IFT88: variants seen among roughly 807,000 people sequenced by gnomAD.
IFT88 encodes intraflagellar transport 88, also known as intraflagellar transport protein 88 homolog.
Under a neutral mutation model 119.5 loss-of-function variants are expected in IFT88, and 74 were observed. That is an observed-to-expected ratio of 0.62 (90% CI 0.51 to 0.75). IFT88 has a LOEUF of 0.75. IFT88 is among the 30% of genes least tolerant of loss of function. The probability of loss-of-function intolerance (pLI) is 0.00; values close to 1 mark genes in which losing one functional copy is unlikely to be tolerated. For synonymous variants in IFT88, 279 were observed against 316.7 expected (o/e 0.88, Z 1.26); for missense variants, 961 against 977.7 (o/e 0.98, Z 0.23).
chr13:20,658,065 C>T (rs765982646), intron 22 of IFT88, among the ~76,000 whole-genome samples: 1 of 151,524 alleles, frequency 6.6e-6, no homozygotes, highest in African/African-American at 2.4e-5. Context: ...AAATACCAGT[C>T]AGGAAATAGG....
intron 24 of IFT88, among the ~76,000 whole-genome samples, chr13:20,684,589 C>T (rs916377672): frequency 1.3e-5 from 2 of 152,182 alleles, no homozygotes; most frequent in Non-Finnish European, 2.9e-5. Context: ...TGCTGCCTAC[C>T]TTTTCCCAGA....
chr13:20,606,321 G>C (rs2043439707), intron 13 of IFT88, among the ~76,000 whole-genome samples: 1 of 152,262 alleles, frequency 6.6e-6, no homozygotes, highest in African/African-American at 2.4e-5. Flanking sequence ...TCACCCAGTT[G>C]TAACAAAGCC....
rs572799667 is a variant in IFT88, at chr13:20,590,543, TA to T, written c.211-421del. ...TACATAATATAAACGTGTGTCATAT[TA>T]AACATGCTTTTATTAGTTAGCCTGA... On this transcript the variant is annotated intron_variant, in intron 4 of 25. Transcript: ENST00000351808. Among the ~76,000 whole-genome samples, 293 of 152,318 alleles carry T rather than the reference TA, an allele frequency of 1.9e-3. 1 individual carries two copies. Among genetic ancestry groups the T allele is most frequent in the African/African-American group, 6.7e-3 (280 of 41,582 alleles).
At chr13:20,624,732 G>T (rs2047043936) in intron 14 of IFT88, among the ~76,000 whole-genome samples, 2 of 152,064 alleles carry the variant, frequency 1.3e-5, no homozygotes, top group Admixed American at 1.3e-4. Flanking sequence ...TGTCTTCCAG[G>T]AGGAGGCCAC....
At chr13:20,567,625 C>G (rs2035152854) in intron 1 of IFT88, 2 of 533,716 alleles carry the variant, frequency 3.7e-6, no homozygotes, top group Admixed American at 5.7e-5. Flanking sequence ...GCTCTGGAAT[C>G]GCACAGCAGA....
intron 1 of IFT88, among the ~76,000 whole-genome samples, chr13:20,568,356 G>A (rs2035406778): frequency 6.6e-6 from 1 of 152,158 alleles, no homozygotes; most frequent in African/African-American, 2.4e-5. Context: ...ATAGCTATTA[G>A]CCATGCTTGA....
chr13:20,574,600 A>G, intron 2 of IFT88, 125 bp downstream of exon 2: 1 of 493,104 alleles, frequency 2.0e-6, no homozygotes, highest in Non-Finnish European at 3.6e-6. Context: ...AACCTAGAAA[A>G]GTGCTATTAC....
intron 24 of IFT88, among the ~76,000 whole-genome samples, chr13:20,684,817 C>T (rs577373854): frequency 2.0e-5 from 3 of 152,328 alleles, no homozygotes; most frequent in South Asian, 2.1e-4. Context: ...TAAGAGTACT[C>T]GGGTGTTCCC....
In IFT88 at chr13:20,625,832, C is replaced by A; in HGVS notation, c.1282C>A (p.Gln428Lys). 6.3e-7 allele frequency: 1 copy of A among 1,588,778 alleles called. No homozygotes were observed. The highest frequency in any genetic ancestry group is 1.2e-5 in the South Asian group (1 of 86,490). The change falls in exon 15 of 26, where the codon CAA becomes AAA. Residue 428 changes from glutamine (Q) to lysine (K), a missense_variant. Physicochemically the swap from Gln to Lys is moderately conservative, Grantham distance 53. Transcript: ENST00000351808. ...EINKAVTYLR[Q>K]KDYNQAVEIL... Reference sequence around the variant, plus strand: ...AAACAAAGCAGTTACATACTTGAGACAAAAAGACTATAACCAAGTAAGTTT... The same window carrying A: ...AAACAAAGCAGTTACATACTTGAGAAAAAAAGACTATAACCAAGTAAGTTT...
intron 16 of IFT88, among the ~76,000 whole-genome samples, chr13:20,635,655 A>G (rs1302094776): frequency 6.6e-6 from 1 of 152,160 alleles, no homozygotes; most frequent in Non-Finnish European, 1.5e-5. Flanking sequence ...GTTCTCATTC[A>G]TAAGTGAGAG....
intron 24 of IFT88, 113 bp from the exon 25 acceptor site, chr13:20,690,592 A>G: frequency 4.4e-6 from 3 of 680,750 alleles, no homozygotes; most frequent in Non-Finnish European, 7.8e-6. Flanking sequence ...GCTGGCTTCC[A>G]AATTAAACAA....
chr13:20,580,875 G>A (rs551748693), intron 2 of IFT88, among the ~76,000 whole-genome samples: 6 of 151,816 alleles, frequency 4.0e-5, no homozygotes, highest in East Asian at 1.9e-4. Flanking sequence ...ACAGGCGCCC[G>A]CCACCACGCC....
At chr13:20,620,618 T>G (rs1490264238) in intron 14 of IFT88, among the ~76,000 whole-genome samples, 1 of 152,130 alleles carries the variant, frequency 6.6e-6, no homozygotes, top group Non-Finnish European at 1.5e-5. Context: ...CAGGCTGGAG[T>G]GCAGTGGCGC....
At position 20,679,051 on chromosome 13, in the gene IFT88, A is replaced by G. The variant is rs542346248; in HGVS notation, c.2242+8012A>G. Among the ~76,000 whole-genome samples, 6 of 152,320 alleles carry G rather than the reference A, an allele frequency of 3.9e-5. No homozygotes were observed. In the South Asian group the frequency reaches 1.2e-3, roughly 32 times the overall value. ...GAAATACTTGTTTCTTCAGTTTTAC[A>G]ATATCTAAAGATAAATTTCCAGTAT... On this transcript the variant is annotated intron_variant, in intron 24 of 25. Coordinates refer to ENST00000351808, the MANE Select transcript of IFT88 (RefSeq NM_006531.5).
intron 20 of IFT88, among the ~76,000 whole-genome samples, chr13:20,650,069 AT>A (rs1002438832): frequency 6.6e-6 from 1 of 151,892 alleles, no homozygotes; most frequent in Non-Finnish European, 1.5e-5. Flanking sequence ...AATTCACACC[AT>A]TTTTTTTCAA....
At chr13:20,646,869 C>G (rs1428043399) in intron 20 of IFT88, among the ~76,000 whole-genome samples, 1 of 148,646 alleles carries the variant, frequency 6.7e-6, no homozygotes, top group Non-Finnish European at 1.5e-5. Flanking sequence ...TTTTCTCTCT[C>G]TCTCTCGCTT....
intron 14 of IFT88, among the ~76,000 whole-genome samples, chr13:20,623,606 C>G (rs761940164): frequency 6.6e-6 from 1 of 152,148 alleles, no homozygotes; most frequent in African/African-American, 2.4e-5. Context: ...TCCCAAGTAG[C>G]TGGGACTACG....
At chr13:20,578,324 G>A (rs2037857079) in intron 2 of IFT88, among the ~76,000 whole-genome samples, 1 of 149,318 alleles carries the variant, frequency 6.7e-6, no homozygotes, top group African/African-American at 2.5e-5. Flanking sequence ...TGGGATTACA[G>A]GCGTGAGTCA....
Position 20,639,240 on chromosome 13 carries a change from T to C in IFT88, c.1573+722T>C, listed in dbSNP as rs1215514152. ...TTATTTTATTCTCTTTTCCATGTTA[T>C]GGACTTTACTTAGATGTCTAATGAT... On this transcript the variant is annotated intron_variant, in intron 17 of 25. Coordinates refer to ENST00000351808, the MANE Select transcript of IFT88 (RefSeq NM_006531.5). Among the ~76,000 whole-genome samples the C allele has an allele frequency of 2.6e-5, 4 of 152,238 alleles. 1 individual carries two copies. The highest frequency in any genetic ancestry group is 6.5e-5 in the Admixed American group (1 of 15,278).
Sources: gnomAD v4.1 joint callset for allele counts (sites outside exome capture counted in the v4.1 genomes callset) on GRCh38, gnomAD v4.1.1 for gene constraint, MANE v1.5 for transcripts, NCBI Gene and HGNC (gene_info 2026-07-23, HGNC 2026-07-21) for gene names.